Variants in SGK1 observed in about 807,000 individuals in gnomAD.
The protein encoded by SGK1 is serine/threonine-protein kinase Sgk1.
SGK1 carries 26 observed loss-of-function variants against 64.2 expected under a neutral mutation model. The observed-to-expected ratio is 0.40, with a 90% CI of 0.30 to 0.56. The LOEUF (loss-of-function observed/expected upper bound fraction) is 0.56, where lower values mean the gene tolerates loss of function less well. SGK1 is among the 20% of genes least tolerant of loss of function. The pLI, the probability that SGK1 is intolerant of heterozygous loss-of-function variation, is 0.38. For missense variants in SGK1, 519 were observed against 645.6 expected, an observed-to-expected ratio of 0.80 and a Z score of 2.12; for synonymous variants, 265 against 239.7, an observed-to-expected ratio of 1.11 and a Z score of -0.98.
chr6:134,271,186 G>C lies in SGK1; in HGVS notation c.70-9038C>G, dbSNP rs111644450. Among the ~76,000 whole-genome samples the C allele has an allele frequency of 7.4e-3, 1,016 of 136,562 alleles. 50 individuals are homozygous for C. The highest frequency in any genetic ancestry group is 0.024 in the African/African-American group (949 of 40,088). 89.6% of individuals were successfully genotyped at this position (136,562 alleles called of 152,430 possible). ...ATACAAAAATTAGTCGGGCGCGGGG[G>C]CACATGCCTGTAATTCCAGCTACTT... On this transcript the variant is annotated intron_variant, in intron 1 of 13. Coordinates refer to ENST00000367858, the MANE Select transcript of SGK1 (RefSeq NM_001143676.3).
At chr6:134,296,637 A>G (rs572997220) in intron 1 of SGK1, among the ~76,000 whole-genome samples, 66 of 152,144 alleles carry the variant, frequency 4.3e-4, no homozygotes, top group South Asian at 1.9e-3. Flanking sequence ...TTTGTCAATT[A>G]AGTGTTTTGG....
chr6:134,276,680 C>T lies in SGK1; in HGVS notation c.70-14532G>A, dbSNP rs1188013561. Among the ~76,000 whole-genome samples the T allele has an allele frequency of 3.9e-5, 6 of 152,164 alleles. No individual in the cohort carries two copies. The South Asian group carries it at 1.2e-3, about 32-fold the overall frequency. Reference sequence around the variant, plus strand: ...AGCACTGTCCACAGATTAGATGGACCCCACAGATTGAGGCCCCTTCTGGAG... The same window carrying T: ...AGCACTGTCCACAGATTAGATGGACTCCACAGATTGAGGCCCCTTCTGGAG... On this transcript the variant is annotated intron_variant, in intron 1 of 13. Coordinates refer to ENST00000367858, the MANE Select transcript of SGK1 (RefSeq NM_001143676.3).
At chr6:134,180,361 A>G (rs1250459534) in intron 3 of SGK1, 1 of 152,220 alleles carries the variant, frequency 6.6e-6, no homozygotes, top group Non-Finnish European at 1.5e-5. Flanking sequence ...AGTATAATCC[A>G]ATCAATGATT....
intron 3 of SGK1, among the ~76,000 whole-genome samples, chr6:134,183,848 A>ACCCCCC (rs1562243390): frequency 6.4e-4 from 51 of 80,116 alleles, no homozygotes; most frequent in Non-Finnish European, 9.2e-4. Flanking sequence ...ACCTGTCCCC[A>ACCCCCC]CCCCACCCCC....
At position 134,243,438 on chromosome 6, in the gene SGK1, C is replaced by T. The variant is rs374848565; in HGVS notation, c.285+18495G>A. Among the ~76,000 whole-genome samples the T allele has an allele frequency of 3.3e-5, 5 of 152,190 alleles. No individual in the cohort carries two copies. In the East Asian group the frequency reaches 5.8e-4, roughly 18 times the overall value. On this transcript the variant is annotated intron_variant, in intron 2 of 13. Transcript: ENST00000367858. ...AGGCTGGAGTGCAATGGCACGATCT[C>T]GGTTCACTGCAACCTCCGCCTCCTG...
At chr6:134,246,350 T>C (rs977602893) in intron 2 of SGK1, among the ~76,000 whole-genome samples, 3 of 151,164 alleles carry the variant, frequency 2.0e-5, no homozygotes, top group African/African-American at 7.3e-5. Context: ...AGAGAAGGGG[T>C]TTCACCATGT....
intron 1 of SGK1, among the ~76,000 whole-genome samples, chr6:134,268,481 T>A (rs755034375): frequency 6.6e-6 from 1 of 151,816 alleles, no homozygotes; most frequent in African/African-American, 2.4e-5. Context: ...ATCCCAGTAC[T>A]TTGGGAGGAG....
At chr6:134,307,883 C>T (rs1398073949) in intron 1 of SGK1, among the ~76,000 whole-genome samples, 1 of 152,098 alleles carries the variant, frequency 6.6e-6, no homozygotes, top group Non-Finnish European at 1.5e-5. Flanking sequence ...CCCCAAGACC[C>T]TTGATTAAAT....
intron 2 of SGK1, among the ~76,000 whole-genome samples, chr6:134,213,642 A>T (rs111424929): frequency 0.023 from 2,543 of 110,814 alleles, 73 homozygotes; most frequent in African/African-American, 0.09. Flanking sequence ...AAATAAATAA[A>T]TAATAAATAA....
chr6:134,173,861 T>C, intron 5 of SGK1, 144 bp downstream of exon 5: 2 of 659,850 alleles, frequency 3.0e-6, no homozygotes, highest in Non-Finnish European at 5.3e-6. Context: ...AATACTTAAA[T>C]ATTTATATCA....
At chr6:134,200,504 A>C (rs1412083097) in intron 3 of SGK1, among the ~76,000 whole-genome samples, 1 of 152,228 alleles carries the variant, frequency 6.6e-6, no homozygotes, top group Non-Finnish European at 1.5e-5. Context: ...TCACGTAATG[A>C]AACTACCTTG....
intron 1 of SGK1, among the ~76,000 whole-genome samples, chr6:134,299,616 A>G (rs1004684418): frequency 6.6e-6 from 1 of 152,302 alleles, no homozygotes; most frequent in Non-Finnish European, 1.5e-5. Context: ...GTTGGCTGAC[A>G]TACAGTAAAA....
intron 1 of SGK1, among the ~76,000 whole-genome samples, chr6:134,268,100 C>T (rs991486476): frequency 1.3e-5 from 2 of 152,194 alleles, no homozygotes; most frequent in African/African-American, 4.8e-5. Flanking sequence ...AGGTGCCCTT[C>T]AAAACTGCTG....
intron 1 of SGK1, among the ~76,000 whole-genome samples, chr6:134,307,526 G>T (rs1012744944): frequency 3.9e-5 from 6 of 152,112 alleles, no homozygotes; most frequent in Non-Finnish European, 7.4e-5. Context: ...ATATAAAATG[G>T]CATCGCATTT....
chr6:134,199,743 T>G (rs1216025680), intron 3 of SGK1, among the ~76,000 whole-genome samples: 4 of 151,946 alleles, frequency 2.6e-5, no homozygotes, highest in African/African-American at 9.7e-5. Flanking sequence ...TGGGAAAAAT[T>G]TATACAGTAA....
At chr6:134,203,947 CCA>C (rs1420202165) in intron 3 of SGK1, among the ~76,000 whole-genome samples, 1 of 151,710 alleles carries the variant, frequency 6.6e-6, no homozygotes, top group Non-Finnish European at 1.5e-5. Context: ...GCCTGTAATC[CCA>C]GTTACTCAGG....
chr6:134,181,001 A>G (rs908991946), intron 3 of SGK1, among the ~76,000 whole-genome samples: 2 of 152,236 alleles, frequency 1.3e-5, no homozygotes, highest in Non-Finnish European at 2.9e-5. Context: ...AAGCATTCAA[A>G]CAAGAAACAG....
At chr6:134,263,377 C>T (rs368779603) in intron 1 of SGK1, among the ~76,000 whole-genome samples, 7 of 151,812 alleles carry the variant, frequency 4.6e-5, no homozygotes, top group East Asian at 3.9e-4. Flanking sequence ...GCTGAGACCA[C>T]AGGCTCGCAC....
chr6:134,202,534 G>A (rs147189404), intron 3 of SGK1, among the ~76,000 whole-genome samples: 7,624 of 152,102 alleles, frequency 0.05, 632 homozygotes, highest in African/African-American at 0.17. Flanking sequence ...CCAGCTACTT[G>A]GGAGGCTGAG....
Sources: allele counts gnomAD v4.1 joint callset (sites outside exome capture counted in the v4.1 genomes callset), GRCh38; gene constraint gnomAD v4.1.1; transcripts MANE v1.5; gene names NCBI Gene and HGNC (gene_info 2026-07-23, HGNC 2026-07-21).